ADAMTSL1: variants seen among roughly 807,000 people sequenced by gnomAD.
ADAMTSL1 encodes ADAMTS like 1.
ADAMTSL1 carries 126 observed loss-of-function variants against 201.8 expected under a neutral mutation model. The observed-to-expected ratio is 0.62, with a 90% CI of 0.54 to 0.72. The LOEUF (loss-of-function observed/expected upper bound fraction) is 0.72, where lower values mean the gene tolerates loss of function less well. ADAMTSL1 is among the 30% of genes least tolerant of loss of function. The pLI is 0.00. For missense variants in ADAMTSL1, 2,679 were observed against 2,277.8 expected, an observed-to-expected ratio of 1.18 and a Z score of -3.59; for synonymous variants, 1,121 against 903.4, an observed-to-expected ratio of 1.24 and a Z score of -4.32.
intron 2 of ADAMTSL1, among the ~76,000 whole-genome samples, chr9:18,358,065 C>T (rs1443394600): frequency 1.3e-5 from 2 of 152,174 alleles, no homozygotes; most frequent in Non-Finnish European, 2.9e-5. Context: ...AGTTCAAATC[C>T]TGGCTGTTCC....
chr9:18,180,662 C>T (rs1255092256), intron 2 of ADAMTSL1, among the ~76,000 whole-genome samples: 2 of 151,886 alleles, frequency 1.3e-5, no homozygotes, highest in African/African-American at 4.8e-5. Context: ...AAGAACATTC[C>T]ATGCTCATGG....
intron 2 of ADAMTSL1, among the ~76,000 whole-genome samples, chr9:18,319,205 TA>T (rs959998265): frequency 2.0e-5 from 3 of 151,838 alleles, no homozygotes; most frequent in African/African-American, 4.8e-5. Context: ...CAACTCTATT[TA>T]AAAAAAAGAA....
Position 18,715,798 on chromosome 9 carries a change from A to G in ADAMTSL1, c.1877-5738A>G, listed in dbSNP as rs569339354. 1.3e-4 allele frequency among the ~76,000 whole-genome samples: 20 copies of G among 151,926 alleles called. No homozygotes were observed. In the South Asian group the frequency reaches 4.2e-3, roughly 32 times the overall value. On this transcript the variant is annotated intron_variant, in intron 14 of 28. Transcript: ENST00000380548. ...TGCCCAGTCAATCCTAAGCCAAAAG[A>G]ACAAAGCTGGAGGCATCACACTACC...
chr9:17,926,546 TCAGAGGTGA>T (rs1430976941), intron 1 of ADAMTSL1, among the ~76,000 whole-genome samples: 1 of 152,132 alleles, frequency 6.6e-6, no homozygotes, highest in African/African-American at 2.4e-5. Context: ...ATACTTCCAC[TCAGAGGTGA>T]CACAGGACAC....
intron 16 of ADAMTSL1, among the ~76,000 whole-genome samples, chr9:18,754,734 T>G (rs1047694770): frequency 6.6e-6 from 1 of 152,170 alleles, no homozygotes; most frequent in Admixed American, 6.5e-5. Context: ...AATCAAATAC[T>G]GATGAATAAG....
At chr9:18,241,681 T>C (rs988548928) in intron 2 of ADAMTSL1, among the ~76,000 whole-genome samples, 1 of 152,064 alleles carries the variant, frequency 6.6e-6, no homozygotes, top group African/African-American at 2.4e-5. Flanking sequence ...AAAATGAAAG[T>C]GAAGAAGTTA....
intron 1 of ADAMTSL1, among the ~76,000 whole-genome samples, chr9:18,049,790 A>AT (rs1378382534): frequency 1.3e-5 from 2 of 151,856 alleles, no homozygotes; most frequent in Non-Finnish European, 2.9e-5. Context: ...CGCCCAGCTA[A>AT]TTTTTTGTAT....
intron 2 of ADAMTSL1, among the ~76,000 whole-genome samples, chr9:18,208,898 A>G (rs1829757756): frequency 6.6e-6 from 1 of 152,178 alleles, no homozygotes; most frequent in African/African-American, 2.4e-5. Context: ...TCTAAACTTG[A>G]TTACCTCATC....
intron 9 of ADAMTSL1, among the ~76,000 whole-genome samples, chr9:18,671,891 T>C (rs1428143732): frequency 6.6e-6 from 1 of 151,648 alleles, no homozygotes; most frequent in Non-Finnish European, 1.5e-5. Context: ...CAAAAAATTA[T>C]CCGGGCGTGG....
intron 13 of ADAMTSL1, among the ~76,000 whole-genome samples, chr9:18,686,873 T>C (rs1050223295): frequency 3.3e-5 from 5 of 152,228 alleles, no homozygotes. Context: ...GAATATTTTC[T>C]ACTAAAGATC....
rs188410873 is a variant in ADAMTSL1 at position 18,048,096 on chromosome 9, G to A, written c.88-115766G>A. 9.7e-4 allele frequency among the ~76,000 whole-genome samples: 147 copies of A among 152,316 alleles called. 1 individual carries two copies. Among genetic ancestry groups the A allele is most frequent in the African/African-American group, 3.5e-3 (145 of 41,586 alleles). ...CTTCTGGCATCATTATCTTGGAAGA[G>A]TTGTTAGATTTTTGATTTAGAAATG... On this transcript the variant is annotated intron_variant, in intron 1 of 29. Coordinates refer to the ADAMTSL1 transcript ENST00000680146.
intron 2 of ADAMTSL1, among the ~76,000 whole-genome samples, chr9:18,313,745 T>A (rs1027784994): frequency 1.3e-5 from 2 of 152,264 alleles, no homozygotes; most frequent in Non-Finnish European, 2.9e-5. Context: ...GAGGAAAGTA[T>A]AGGGAAAGAA....
intron 2 of ADAMTSL1, among the ~76,000 whole-genome samples, chr9:18,203,282 C>G (rs1279796600): frequency 7.9e-5 from 12 of 152,070 alleles, no homozygotes; most frequent in Admixed American, 7.9e-4. Context: ...CACCGGCTGA[C>G]GCTTCTGCCC....
At chr9:18,210,583 T>A (rs1587318787) in intron 2 of ADAMTSL1, among the ~76,000 whole-genome samples, 1 of 150,096 alleles carries the variant, frequency 6.7e-6, no homozygotes, top group East Asian at 1.9e-4. Context: ...ATGAAAAAAA[T>A]TATTAATATT....
At chr9:18,543,128 A>T (rs1034425863) in intron 3 of ADAMTSL1, among the ~76,000 whole-genome samples, 1 of 152,202 alleles carries the variant, frequency 6.6e-6, no homozygotes, top group Non-Finnish European at 1.5e-5. Flanking sequence ...TATTCTCAGA[A>T]TTATATCCCA....
At chr9:18,184,142 A>G (rs1828625437) in intron 2 of ADAMTSL1, among the ~76,000 whole-genome samples, 2 of 152,202 alleles carry the variant, frequency 1.3e-5, no homozygotes, top group Non-Finnish European at 2.9e-5. Context: ...TCCAAAGTTC[A>G]TTCCACTTGC....
At chr9:18,794,257 A>C (rs974922847) in intron 19 of ADAMTSL1, among the ~76,000 whole-genome samples, 1 of 152,038 alleles carries the variant, frequency 6.6e-6, no homozygotes, top group Non-Finnish European at 1.5e-5. Context: ...CAAAATTTAA[A>C]AATTAGCTGG....
chr9:18,773,556 T>C (rs966921162), intron 17 of ADAMTSL1, among the ~76,000 whole-genome samples: 1 of 152,224 alleles, frequency 6.6e-6, no homozygotes, highest in South Asian at 2.1e-4. Flanking sequence ...ATTAGAGCTG[T>C]TTTGGTTTAA....
At chr9:18,849,373 T>C (rs1826339050) in intron 23 of ADAMTSL1, among the ~76,000 whole-genome samples, 1 of 152,202 alleles carries the variant, frequency 6.6e-6, no homozygotes, top group South Asian at 2.1e-4. Context: ...ACTTCCTGGA[T>C]CCAATTATGT....
Sources: gnomAD v4.1 joint callset for allele counts (sites outside exome capture counted in the v4.1 genomes callset) on GRCh38, gnomAD v4.1.1 for gene constraint, MANE v1.5 for transcripts, NCBI Gene and HGNC (gene_info 2026-07-23, HGNC 2026-07-21) for gene names.